The following RAD23B variants were observed in gnomAD, a reference collection of about 807,000 sequenced individuals.
RAD23B encodes the protein RAD23 nucleotide excision repair protein B, also known as lysine-specific demethylase RAD23B.
RAD23B carries 5 observed loss-of-function variants against 49.1 expected under a neutral mutation model. That is an observed-to-expected ratio of 0.10 (90% CI 0.05 to 0.21). The LOEUF (loss-of-function observed/expected upper bound fraction) is 0.21, where lower values mean the gene tolerates loss of function less well. Among genes scored for constraint, RAD23B ranks in the 10% least tolerant of loss-of-function variants. RAD23B has a pLI of 1.00. For missense variants in RAD23B, 356 were observed against 486.7 expected (o/e 0.73, Z 2.53); for synonymous variants, 184 against 165.4 (o/e 1.11, Z -0.86).
intron 6 of RAD23B, among the ~76,000 whole-genome samples, chr9:107,321,224 T>G (rs1478521425): frequency 6.6e-6 from 1 of 151,886 alleles, no homozygotes; most frequent in Non-Finnish European, 1.5e-5. Flanking sequence ...TTAAATTTTT[T>G]GAGATACTTT....
intron 6 of RAD23B, among the ~76,000 whole-genome samples, chr9:107,319,640 C>T (rs1587861808): frequency 6.6e-6 from 1 of 152,192 alleles, no homozygotes; most frequent in East Asian, 1.9e-4. Context: ...CTGATTCACT[C>T]TGTTACCAAC....
chr9:107,313,238 C>G (rs1181694741), intron 5 of RAD23B, among the ~76,000 whole-genome samples: 1 of 150,978 alleles, frequency 6.6e-6, no homozygotes. Flanking sequence ...TCTTCCTTTC[C>G]TTTTCCTTTC....
In RAD23B at chr9:107,298,313, TTTTA is replaced by T. The variant is rs368977417; in HGVS notation, c.67-1816_67-1813del. ...CTTTTGTCGATATGCTTACGTTTTATTTTATTTATTTATTTTTTAAGGCAGATTC... is the reference window on the plus strand; with the variant it reads ...CTTTTGTCGATATGCTTACGTTTTATTTTATTTATTTTTTAAGGCAGATTC... On this transcript the variant is annotated intron_variant, in intron 1 of 9. Coordinates refer to ENST00000358015, the MANE Select transcript of RAD23B (RefSeq NM_002874.5). Among the ~76,000 whole-genome samples the T allele has an allele frequency of 2.6e-5, 4 of 152,000 alleles. No individual in the cohort carries two copies. In the East Asian group the frequency reaches 5.8e-4, roughly 22 times the overall value.
At chr9:107,301,500 C>T (rs566487848) in intron 2 of RAD23B, among the ~76,000 whole-genome samples, 4 of 152,204 alleles carry the variant, frequency 2.6e-5, no homozygotes, top group South Asian at 2.1e-4. Context: ...TCTATATACA[C>T]TATATAAGTT....
intron 5 of RAD23B, among the ~76,000 whole-genome samples, chr9:107,313,443 T>G (rs1456849476): frequency 6.6e-6 from 1 of 152,186 alleles, no homozygotes; most frequent in Admixed American, 6.5e-5. Context: ...GCCAGGATGG[T>G]CTCAATCTCC....
At chr9:107,321,490 A>G (rs1274419680) in intron 6 of RAD23B, among the ~76,000 whole-genome samples, 1 of 139,730 alleles carries the variant, frequency 7.2e-6, no homozygotes, top group Non-Finnish European at 1.6e-5. Context: ...GTGTGCATCA[A>G]AACCTCTTTT....
At chr9:107,285,548 T>G (rs548821904) in intron 1 of RAD23B, among the ~76,000 whole-genome samples, 18 of 152,380 alleles carry the variant, frequency 1.2e-4, no homozygotes, top group Non-Finnish European at 2.4e-4. Flanking sequence ...TTAGGCACTT[T>G]ACGCATACTG....
chr9:107,310,324 G>T (rs2133083864), intron 4 of RAD23B, among the ~76,000 whole-genome samples: 1 of 152,046 alleles, frequency 6.6e-6, no homozygotes, highest in East Asian at 1.9e-4. Flanking sequence ...TCATTCTTAA[G>T]CAAGACAACC....
At chr9:107,287,847 A>AC (rs972063924) in intron 1 of RAD23B, among the ~76,000 whole-genome samples, 6 of 151,656 alleles carry the variant, frequency 4.0e-5, no homozygotes, top group African/African-American at 1.5e-4. Context: ...AAAAAAAAAA[A>AC]AAACAAAAAA....
At chr9:107,290,820 A>G (rs1158547637) in intron 1 of RAD23B, among the ~76,000 whole-genome samples, 1 of 152,190 alleles carries the variant, frequency 6.6e-6, no homozygotes, top group African/African-American at 2.4e-5. Flanking sequence ...TCTTAGATTG[A>G]CATAATCAGC....
intron 9 of RAD23B, 86 bp from the exon 10 acceptor site, chr9:107,329,457 C>A: frequency 1.2e-6 from 1 of 824,264 alleles, no homozygotes; most frequent in Non-Finnish European, 1.9e-6. Context: ...ATCTTTAGTG[C>A]TATGCTGGAA....
intron 9 of RAD23B, among the ~76,000 whole-genome samples, chr9:107,326,160 A>G (rs1827197977): frequency 1.3e-5 from 2 of 152,062 alleles, no homozygotes. Context: ...TTCATAAGTC[A>G]TATTGGTCTG....
At chr9:107,301,887 G>T in intron 2 of RAD23B, 148 bp from the exon 3 acceptor site, 5 of 1,139,476 alleles carry the variant, frequency 4.4e-6, no homozygotes, top group Non-Finnish European at 2.4e-6. Context: ...GTTTTTCTTT[G>T]GGAAAAGTAT....
In RAD23B at chr9:107,331,801, A is replaced by G. The variant is rs1236013338; in HGVS notation, c.*2145A>G. The stretch of plus-strand genomic sequence containing the variant: ...AGGATTAATTATCAGAAGACAGCTC[A>G]GGCCAAGTTTTGATCGTTCCATACA... On this transcript the variant is annotated 3_prime_UTR_variant, in exon 10 of 10. Transcript: ENST00000358015. 1.3e-6 allele frequency: 1 copy of G among 760,914 alleles called. No homozygotes were observed. The highest frequency in any genetic ancestry group is 2.4e-6 in the Non-Finnish European group (1 of 411,886). 47.1% of individuals were successfully genotyped at this position (760,914 alleles called of 1,614,324 possible).
intron 1 of RAD23B, chr9:107,284,056 G>A (rs72736194): frequency 2.9e-6 from 3 of 1,024,116 alleles, no homozygotes; most frequent in Non-Finnish European, 1.2e-6. Context: ...GTGCACAGGT[G>A]GGGGAGGGAG....
Position 107,283,566 on chromosome 9 carries a change from C to T in RAD23B, c.-64C>T. 7.2e-7 allele frequency: 1 copy of T among 1,380,126 alleles called. No individual in the cohort carries two copies. Among genetic ancestry groups the T allele is most frequent in the Non-Finnish European group, 9.7e-7 (1 of 1,036,032 alleles). The allele number at this position is 1,380,126 out of a possible 1,614,324, so 85.5% of individuals were successfully genotyped here. A position where few individuals can be genotyped will look rare whatever the true frequency, so the allele number is the denominator to read the frequency against. On this transcript the variant is annotated 5_prime_UTR_variant, in exon 1 of 10. Coordinates refer to ENST00000358015, the MANE Select transcript of RAD23B (RefSeq NM_002874.5). ...GGGCGACCCCGGGGCCCCGCCAGGC[C>T]ACAGACCCCGCCCAGCGGCCAGCAC...
At chr9:107,325,429 T>C (rs1050380679) in intron 9 of RAD23B, among the ~76,000 whole-genome samples, 1 of 152,050 alleles carries the variant, frequency 6.6e-6, no homozygotes, top group Non-Finnish European at 1.5e-5. Context: ...AATAGTGTCC[T>C]GTAGTTTTCA....
In RAD23B at chr9:107,331,522, C is replaced by G; in HGVS notation, c.*1866C>G. The stretch of plus-strand genomic sequence containing the variant: ...ATTACCTGTATGTTTTATAATGGAT[C>G]ATGCATAATTTCTCAGGAGAATAAA... On this transcript the variant is annotated 3_prime_UTR_variant, in exon 10 of 10. Coordinates refer to ENST00000358015, the MANE Select transcript of RAD23B (RefSeq NM_002874.5). The G allele has an allele frequency of 1.7e-6, 1 of 602,928 alleles. No individual in the cohort carries two copies. The highest frequency in any genetic ancestry group is 2.1e-5 in the South Asian group (1 of 46,934). The allele number at this position is 602,928 out of a possible 1,614,324, so 37.3% of individuals were successfully genotyped here. A position where few individuals can be genotyped will look rare whatever the true frequency, so the allele number is the denominator to read the frequency against.
intron 6 of RAD23B, among the ~76,000 whole-genome samples, chr9:107,321,411 T>TGG (rs1029655137): frequency 1.3e-5 from 2 of 152,194 alleles, no homozygotes; most frequent in African/African-American, 4.8e-5. Context: ...TCCTCCTGCC[T>TGG]GGCCACTGTG....
Sources: gnomAD v4.1 joint callset for allele counts (sites outside exome capture counted in the v4.1 genomes callset) on GRCh38, gnomAD v4.1.1 for gene constraint, MANE v1.5 for transcripts, NCBI Gene and HGNC (gene_info 2026-07-23, HGNC 2026-07-21) for gene names.